Variants in GPR39 observed in about 807,000 individuals in gnomAD.
GPR39 encodes G protein-coupled receptor 39, also known as zinc sensing receptor.
Under a neutral mutation model 18.4 loss-of-function variants are expected in GPR39, and 23 were observed. The ratio of observed to expected loss-of-function variants is 1.25; its 90% CI spans 0.90 to 1.77. GPR39 has a LOEUF of 1.77. GPR39 is among the 40% of genes most tolerant of loss of function. The pLI, the probability that GPR39 is intolerant of heterozygous loss-of-function variation, is 0.00. For missense variants in GPR39, 647 were observed against 602.4 expected (o/e 1.07, Z -0.78); for synonymous variants, 280 against 257.9 (o/e 1.09, Z -0.82).
In GPR39 at chr2:132,645,390, C is replaced by CG. The variant is rs1682005272; in HGVS notation, c.1147dup (p.Asp383GlyfsTer24). 6.2e-7 allele frequency: 1 copy of CG among 1,613,632 alleles called. No individual in the cohort carries two copies. The highest frequency in any genetic ancestry group is 8.5e-7 in the Non-Finnish European group (1 of 1,180,022). ...TGCGCGTACATGCGCACTCCACCAC[C>CG]GACAGCGCCCGCTTTGTGCAGCGCC... On this transcript the variant is annotated frameshift_variant, in exon 2 of 2. Transcript: ENST00000329321. LOFTEE classifies it low-confidence loss of function (END_TRUNC).
intron 1 of GPR39, among the ~76,000 whole-genome samples, chr2:132,501,185 T>A (rs549037543): frequency 6.6e-6 from 1 of 151,934 alleles, no homozygotes; most frequent in African/African-American, 2.4e-5. Flanking sequence ...ACTTAGATTG[T>A]CTATTTGTGC....
chr2:132,463,108 C>A (rs879357765), intron 1 of GPR39, among the ~76,000 whole-genome samples: 14 of 152,166 alleles, frequency 9.2e-5, no homozygotes, highest in African/African-American at 3.4e-4. Flanking sequence ...GTGGCAGAAT[C>A]CATCAGACAA....
At chr2:132,461,648 CA>C (rs1197527094) in intron 1 of GPR39, among the ~76,000 whole-genome samples, 1 of 152,148 alleles carries the variant, frequency 6.6e-6, no homozygotes, top group Non-Finnish European at 1.5e-5. Context: ...TTGCTGTTTT[CA>C]TATAGCTTTT....
chr2:132,482,463 C>T (rs1209268132), intron 1 of GPR39, among the ~76,000 whole-genome samples: 1 of 152,128 alleles, frequency 6.6e-6, no homozygotes, highest in Admixed American at 6.5e-5. Flanking sequence ...GCCTGGAGCT[C>T]GAGCTGGGCT....
rs748196870 is a variant in GPR39 at position 132,645,348 on chromosome 2, C to T, written c.1104C>T (p.Ala368=). The T allele has an allele frequency of 3.7e-6, 6 of 1,614,038 alleles. No homozygotes were observed. The highest frequency in any genetic ancestry group is 1.6e-4 in the Middle Eastern group (1 of 6,084). ...GCTGCCGCCTGTCGCTGCAGCACGC[C>T]AACCACGAGAAGCGCCTGCGCGTAC... The part of the protein sequence containing the change: ...VLCCRLSLQH[A]NHEKRLRVHA... The change falls in exon 2 of 2, where the codon GCC becomes GCT. Residue 368 remains alanine, a synonymous_variant. Transcript: ENST00000329321.
At chr2:132,525,828 C>T (rs755344256) in intron 1 of GPR39, among the ~76,000 whole-genome samples, 4 of 152,150 alleles carry the variant, frequency 2.6e-5, no homozygotes, top group Non-Finnish European at 5.9e-5. Context: ...TATTCATTGC[C>T]TGAGCAGCAG....
In GPR39 at chr2:132,443,610, T is replaced by C. The variant is rs535680548; in HGVS notation, c.856+25712T>C. On this transcript the variant is annotated intron_variant, in intron 1 of 1. Coordinates refer to ENST00000329321, the MANE Select transcript of GPR39 (RefSeq NM_001508.3). ...GTGTATTAAATGTGTTTTCAACTTA[T>C]GTTATTTTCAATGTATGATGAATTT... Among the ~76,000 whole-genome samples the C allele has an allele frequency of 6.6e-5, 10 of 152,328 alleles. No individual in the cohort carries two copies. In the East Asian group the frequency reaches 9.6e-4, roughly 15 times the overall value.
At chr2:132,613,716 C>T (rs1681274890) in intron 1 of GPR39, among the ~76,000 whole-genome samples, 1 of 152,180 alleles carries the variant, frequency 6.6e-6, no homozygotes, top group Non-Finnish European at 1.5e-5. Flanking sequence ...GATACTTGTC[C>T]TCATCTTGTT....
chr2:132,645,983 G>GTGGGGGGT lies in GPR39; in HGVS notation c.*384_*391dup. ...ACCCAGAAGAAACTCACTCAGGGAGGTGGGGGGTTGGGGGCGAGGGCTGGA... is the reference window on the plus strand; with the variant it reads ...ACCCAGAAGAAACTCACTCAGGGAGGTGGGGGGTTGGGGGGTTGGGGGCGAGGGCTGGA... On this transcript the variant is annotated 3_prime_UTR_variant, in exon 2 of 2. Transcript: ENST00000329321. The GTGGGGGGT allele has an allele frequency of 7.8e-7, 1 of 1,275,742 alleles. No individual in the cohort carries two copies. Among genetic ancestry groups the GTGGGGGGT allele is most frequent in the Non-Finnish European group, 1.1e-6 (1 of 929,384 alleles). The allele number at this position is 1,275,742 out of a possible 1,614,324, so 79.0% of individuals were successfully genotyped here.
At chr2:132,561,354 C>T (rs1384650662) in intron 1 of GPR39, among the ~76,000 whole-genome samples, 2 of 152,150 alleles carry the variant, frequency 1.3e-5, no homozygotes, top group Non-Finnish European at 2.9e-5. Flanking sequence ...CACTTGACTC[C>T]TCTCCCAGCC....
intron 1 of GPR39, among the ~76,000 whole-genome samples, chr2:132,628,764 C>CGTGT (rs138130883): frequency 1.3e-5 from 2 of 151,272 alleles, no homozygotes; most frequent in Non-Finnish European, 1.5e-5. Flanking sequence ...CATAGTAATA[C>CGTGT]GTGTGTGTGT....
chr2:132,564,810 C>CATTTTTTT (rs1680317102), intron 1 of GPR39, among the ~76,000 whole-genome samples: 1 of 95,440 alleles, frequency 1.0e-5, no homozygotes, highest in Non-Finnish European at 1.9e-5. Context: ...TTTCTTTTTT[C>CATTTTTTT]TTTTTTTTTT....
chr2:132,456,888 G>A (rs977737812), intron 1 of GPR39, among the ~76,000 whole-genome samples: 8 of 152,122 alleles, frequency 5.3e-5, no homozygotes, highest in African/African-American at 7.2e-5. Flanking sequence ...ATAACTTGAC[G>A]TTTCTCTCTG....
chr2:132,578,190 AT>A (rs1218610617), intron 1 of GPR39, among the ~76,000 whole-genome samples: 1 of 146,402 alleles, frequency 6.8e-6, no homozygotes, highest in African/African-American at 2.5e-5. Context: ...GATTTTATTT[AT>A]TTTTCTCAAA....
intron 1 of GPR39, among the ~76,000 whole-genome samples, chr2:132,579,582 G>A (rs1680589429): frequency 6.6e-6 from 1 of 152,234 alleles, no homozygotes; most frequent in South Asian, 2.1e-4. Flanking sequence ...CTATGGATGT[G>A]TCTGTTTCTA....
intron 1 of GPR39, among the ~76,000 whole-genome samples, chr2:132,487,075 G>T (rs1413330720): frequency 6.6e-6 from 1 of 152,142 alleles, no homozygotes; most frequent in Non-Finnish European, 1.5e-5. Context: ...GGAATACGGA[G>T]GCCTGAGGAT....
At chr2:132,633,591 T>C (rs956503065) in intron 1 of GPR39, among the ~76,000 whole-genome samples, 4 of 152,196 alleles carry the variant, frequency 2.6e-5, no homozygotes, top group African/African-American at 9.7e-5. Context: ...CCTGTGGTTC[T>C]AGTCAGCCTT....
intron 1 of GPR39, among the ~76,000 whole-genome samples, chr2:132,578,589 A>C (rs1680569534): frequency 6.6e-6 from 1 of 152,092 alleles, no homozygotes; most frequent in African/African-American, 2.4e-5. Context: ...ATCTTGGATG[A>C]GTAGTGGTGG....
At chr2:132,640,499 A>G (rs1467737499) in intron 1 of GPR39, among the ~76,000 whole-genome samples, 1 of 152,250 alleles carries the variant, frequency 6.6e-6, no homozygotes. Flanking sequence ...ATACAGATCT[A>G]TCAGTAATTC....
Sources: gnomAD v4.1 joint callset for allele counts (sites outside exome capture counted in the v4.1 genomes callset) on GRCh38, gnomAD v4.1.1 for gene constraint, MANE v1.5 for transcripts, NCBI Gene and HGNC (gene_info 2026-07-23, HGNC 2026-07-21) for gene names.